The following RYR1 variants were observed in gnomAD, a reference collection of about 807,000 sequenced individuals.
RYR1 encodes the protein central core disease of muscle.
RYR1 carries 342 observed loss-of-function variants against 583.5 expected under a neutral mutation model. That is an observed-to-expected ratio of 0.59 (90% CI 0.54 to 0.64). The LOEUF is 0.64. Among genes scored for constraint, RYR1 ranks in the 30% least tolerant of loss-of-function variants. RYR1 has a pLI of 0.00. For missense variants in RYR1, 6,032 were observed against 6,917.2 expected (o/e 0.87, Z 4.54); for synonymous variants, 2,791 against 2,822.5 (o/e 0.99, Z 0.35).
rs1444800471 is a variant in RYR1 at position 38,565,511 on chromosome 19, G to A, written c.13177G>A (p.Gly4393Ser). ...MPDPTSDEVHGEQPAGPGGDA... is the reference protein window; with the variant it reads ...MPDPTSDEVHSEQPAGPGGDA... Reference sequence around the variant, plus strand: ...CGACCCCACCAGCGACGAGGTGCACGGCGAGCAGCCGGCCGGGCCGGGCGG... The same window carrying A: ...CGACCCCACCAGCGACGAGGTGCACAGCGAGCAGCCGGCCGGGCCGGGCGG... Residue 4393 changes from glycine (G) to serine (S), a missense_variant, in exon 91 of 106, where the codon GGC becomes AGC. Gly to Ser is a moderately conservative substitution (Grantham distance 56, BLOSUM62 0). Transcript: ENST00000359596. The surrounding 1 kb of genome is among the most constrained non-coding windows in gnomAD (Gnocchi z 4.7). 2.0e-6 allele frequency: 3 copies of A among 1,503,698 alleles called. No individual in the cohort carries two copies. The East Asian group carries it at 8.1e-5, about 41-fold the overall frequency. 93.1% of individuals were successfully genotyped at this position (1,503,698 alleles called of 1,614,324 possible).
Position 38,464,669 on chromosome 19 carries a change from C to T in RYR1, c.2817C>T (p.Gly939=), listed in dbSNP as rs774544029. The T allele has an allele frequency of 6.3e-7, 1 of 1,593,556 alleles. No homozygotes were observed. Among genetic ancestry groups the T allele is most frequent in the Admixed American group, 1.8e-5 (1 of 56,630 alleles). ...TGCTGGCTCTGGGCTGCCACGTGGGCATGGCGGATGAGAAGGCGGAGGACA... is the reference window on the plus strand; with the variant it reads ...TGCTGGCTCTGGGCTGCCACGTGGGTATGGCGGATGAGAAGGCGGAGGACA... ...KTLLALGCHV[G]MADEKAEDNL... The change falls in exon 23 of 106, where the codon GGC becomes GGT. Residue 939 remains glycine (G), a synonymous_variant. Coordinates refer to ENST00000359596, the MANE Select transcript of RYR1 (RefSeq NM_000540.3).
chr19:38,475,597 A>G, intron 29 of RYR1, 147 bp downstream of exon 29: 3 of 1,043,092 alleles, frequency 2.9e-6, no homozygotes, highest in Non-Finnish European at 4.3e-6. Flanking sequence ...AAAATATGGC[A>G]CACACAGATT....
intron 22 of RYR1, 40 bp downstream of exon 22, chr19:38,463,890 G>A (rs1298952412): frequency 1.8e-5 from 27 of 1,475,726 alleles, no homozygotes; most frequent in Non-Finnish European, 2.6e-5. Context: ...GCTGGCTGCT[G>A]GTGCGGTGGG....
intron 78 of RYR1, among the ~76,000 whole-genome samples, chr19:38,533,499 A>G (rs1404749726): frequency 6.6e-6 from 1 of 152,196 alleles, no homozygotes; most frequent in African/African-American, 2.4e-5. Flanking sequence ...AATCTATCAA[A>G]TAAGATCTAA....
At chr19:38,469,792 C>T (rs1968321656) in intron 27 of RYR1, among the ~76,000 whole-genome samples, 1 of 152,030 alleles carries the variant, frequency 6.6e-6, no homozygotes, top group Non-Finnish European at 1.5e-5. Context: ...TAAGTCTAGG[C>T]ATGGTAGCTC....
At position 38,499,775 on chromosome 19, in the gene RYR1, C is replaced by G. The variant is rs759899913; in HGVS notation, c.7168C>G (p.Pro2390Ala). The G allele has an allele frequency of 1.2e-6, 2 of 1,603,070 alleles. No homozygotes were observed. The highest frequency in any genetic ancestry group is 4.5e-5 in the East Asian group (2 of 44,764). Residue 2390 changes from proline to alanine, a missense_variant, in exon 44 of 106, where the codon CCT (proline) becomes GCT (alanine). Around this residue, in one of 11 missense-constraint regions of RYR1, gnomAD observed 2,627 missense variants for 2,961.3 expected, o/e 0.89. Transcript: ENST00000359596. This position sits in a 1 kb window ranked among gnomAD's most constrained non-coding sequence, Gnocchi z 7.3. ...AGAGGCCATCCGCATCTCCGAGGAC[C>G]CTGCGAGGGATGGCCCAGGCATCCG... is the stretch of plus-strand genomic sequence containing the variant. ...IEEAIRISEDPARDGPGIRRD... is the reference protein window; with the variant it reads ...IEEAIRISEDAARDGPGIRRD...
At chr19:38,534,006 T>TC (rs1491112591) in intron 78 of RYR1, among the ~76,000 whole-genome samples, 1 of 84,300 alleles carries the variant, frequency 1.2e-5, no homozygotes, top group East Asian at 3.8e-4. Context: ...CCATCTGTAA[T>TC]TTTTTTTTTT....
At chr19:38,469,543 A>G in intron 27 of RYR1, 30 bp downstream of exon 27, 7 of 1,596,848 alleles carry the variant, frequency 4.4e-6, no homozygotes, top group Non-Finnish European at 6.0e-6. Context: ...ATGCCTTCTC[A>G]TCTGCCTCCA....
intron 2 of RYR1, 85 bp from the exon 3 acceptor site, chr19:38,442,264 A>G (rs1465831931): frequency 1.0e-6 from 1 of 956,420 alleles, no homozygotes; most frequent in African/African-American, 1.7e-5. Context: ...GTGGGCATCC[A>G]GACTAGGGGA....
Position 38,565,715 on chromosome 19 carries a change from A to C in RYR1, c.13381A>C (p.Thr4461Pro). 7.0e-7 allele frequency: 1 copy of C among 1,428,182 alleles called. No individual in the cohort carries two copies. Among genetic ancestry groups the C allele is most frequent in the African/African-American group, 1.5e-5 (1 of 66,812 alleles). The allele number at this position is 1,428,182 out of a possible 1,614,324, so 88.5% of individuals were successfully genotyped here. Reference sequence around the variant, plus strand: ...CGGTCTCGGGGACATGGGGGACACGACGCCTGCGGAACCGCCCACACCCGA... The same window carrying C: ...CGGTCTCGGGGACATGGGGGACACGCCGCCTGCGGAACCGCCCACACCCGA... ...AGGLGDMGDT[T>P]PAEPPTPEGS... The change falls in exon 91 of 106, where the codon ACG becomes CCG. Residue 4461 changes from threonine (T) to proline (P), a missense_variant. Physicochemically the swap from Thr to Pro is conservative, Grantham distance 38 (BLOSUM62 -1). Coordinates refer to ENST00000359596, the MANE Select transcript of RYR1 (RefSeq NM_000540.3). This position sits in a 1 kb window ranked among gnomAD's most constrained non-coding sequence, Gnocchi z 4.7.
intron 17 of RYR1, 28 bp from the exon 18 acceptor site, chr19:38,458,021 TCC>T: frequency 6.2e-7 from 1 of 1,610,920 alleles, no homozygotes; most frequent in South Asian, 1.1e-5. Context: ...CTCTCCGTCA[TCC>T]CCCTCTCCTG....
At chr19:38,507,025 CAG>C (rs2145639194) in intron 57 of RYR1, 73 bp downstream of exon 57, 5 of 1,606,976 alleles carry the variant, frequency 3.1e-6, no homozygotes, top group East Asian at 2.2e-5. Flanking sequence ...GGGGCGGGGC[CAG>C]AGAGGGGTGG....
intron 81 of RYR1, 70 bp from the exon 82 acceptor site, chr19:38,535,927 G>T: frequency 1.4e-6 from 2 of 1,421,942 alleles, no homozygotes; most frequent in Non-Finnish European, 2.0e-6. Flanking sequence ...GTGGGGAGCT[G>T]CCAGGCCCTG....
chr19:38,494,709 A>C, intron 39 of RYR1, 84 bp downstream of exon 39: 1 of 1,541,098 alleles, frequency 6.5e-7, no homozygotes, highest in Non-Finnish European at 8.9e-7. Context: ...CCCTTCCCCA[A>C]CTTCTGGCCC....
rs1447802230 is a variant in RYR1 at position 38,459,305 on chromosome 19, T to G, written c.2327T>G (p.Phe776Cys). Residue 776 changes from phenylalanine (F) to cysteine (C), a missense_variant, in exon 19 of 106, where the codon TTC becomes TGC. Physicochemically the swap from Phe to Cys is radical, Grantham distance 205. Coordinates refer to ENST00000359596, the MANE Select transcript of RYR1 (RefSeq NM_000540.3). ...GAGTCCTTCAACCTGGACGGGCTCTTCTTCCCTGTTGTCAGCTTCTCGGCT... is the reference window on the plus strand; with the variant it reads ...GAGTCCTTCAACCTGGACGGGCTCTGCTTCCCTGTTGTCAGCTTCTCGGCT... ...VFESFNLDGL[F>C]FPVVSFSAGV... 1 of 1,614,098 alleles carries G rather than the reference T, an allele frequency of 6.2e-7. No homozygotes were observed. The highest frequency in any genetic ancestry group is 8.5e-7 in the Non-Finnish European group (1 of 1,180,014).
chr19:38,557,765 T>G (rs1972942740), intron 89 of RYR1, among the ~76,000 whole-genome samples: 1 of 149,986 alleles, frequency 6.7e-6, no homozygotes, highest in Non-Finnish European at 1.5e-5. Flanking sequence ...GATCGCGTCA[T>G]TGCACTCCAG....
At chr19:38,439,104 G>A (rs2145313427) in intron 1 of RYR1, among the ~76,000 whole-genome samples, 1 of 152,236 alleles carries the variant, frequency 6.6e-6, no homozygotes, top group South Asian at 2.1e-4. Flanking sequence ...CTCAACCAAA[G>A]TCTGTTAAAT....
intron 2 of RYR1, among the ~76,000 whole-genome samples, chr19:38,441,450 A>C: frequency 1.5e-5 from 1 of 65,454 alleles, no homozygotes. Context: ...AGGGCATCTG[A>C]TGGGGGTGGG....
chr19:38,515,720 G>A (rs535573576), intron 64 of RYR1, among the ~76,000 whole-genome samples: 1 of 152,114 alleles, frequency 6.6e-6, no homozygotes, highest in Admixed American at 6.5e-5. Context: ...CTGAGATGGG[G>A]GGATCGCTTG....
Sources: allele counts gnomAD v4.1 joint callset (sites outside exome capture counted in the v4.1 genomes callset), GRCh38; gene constraint gnomAD v4.1.1; regional missense constraint gnomAD v4.1.1; non-coding constraint Gnocchi (gnomAD v3.1); transcripts MANE v1.5; gene names NCBI Gene and HGNC (gene_info 2026-07-23, HGNC 2026-07-21).